UNC93A: variants seen among roughly 807,000 people sequenced by gnomAD.
The protein encoded by UNC93A is unc-93 homolog A, also known as N-acetylglucosamine transporter UNC93A.
UNC93A carries 43 observed loss-of-function variants against 47.5 expected under a neutral mutation model. The observed-to-expected ratio is 0.91, with a 90% CI of 0.71 to 1.17. The LOEUF (loss-of-function observed/expected upper bound fraction) is 1.17, where lower values mean the gene tolerates loss of function less well. Among genes scored for constraint, UNC93A ranks in the 50% most tolerant of loss-of-function variants. The pLI is 0.00. For missense variants in UNC93A, 605 were observed against 577.6 expected (o/e 1.05, Z -0.49); for synonymous variants, 280 against 258.0 (o/e 1.09, Z -0.82).
chr6:167,284,581 A>G (rs1456566746), intron 1 of UNC93A, among the ~76,000 whole-genome samples: 2 of 152,412 alleles, frequency 1.3e-5, no homozygotes, highest in Admixed American at 1.3e-4. Context: ...CACGTTGCCC[A>G]CTTGAGTAGA....
chr6:167,296,869 C>CA (rs1778104891), intron 3 of UNC93A, among the ~76,000 whole-genome samples: 1 of 152,174 alleles, frequency 6.6e-6, no homozygotes, highest in Non-Finnish European at 1.5e-5. Context: ...AAAACTTTCC[C>CA]AACGGGGTAA....
chr6:167,270,212 T>C (rs576961766), upstream of UNC93A, among the ~76,000 whole-genome samples: 5 of 152,186 alleles, frequency 3.3e-5, no homozygotes, highest in South Asian at 2.1e-4. Flanking sequence ...TTTGCATCTC[T>C]CTTTTTTCAT....
intron 7 of UNC93A, among the ~76,000 whole-genome samples, chr6:167,313,168 C>G (rs1229574939): frequency 6.6e-6 from 1 of 152,164 alleles, no homozygotes; most frequent in Non-Finnish European, 1.5e-5. Context: ...GTTTTGTGGC[C>G]AGGGGACAGC....
intron 5 of UNC93A, among the ~76,000 whole-genome samples, chr6:167,305,395 GTCT>G (rs1335648605): frequency 6.6e-6 from 1 of 152,200 alleles, no homozygotes; most frequent in East Asian, 1.9e-4. Flanking sequence ...GCTGTGGCTG[GTCT>G]TCTCGTCTCA....
intron 1 of UNC93A, among the ~76,000 whole-genome samples, chr6:167,277,234 C>T (rs1783558620): frequency 6.6e-6 from 1 of 152,228 alleles, no homozygotes; most frequent in African/African-American, 2.4e-5. Context: ...CCTGTGCCCC[C>T]AGTGCTCCTG....
upstream of UNC93A, among the ~76,000 whole-genome samples, chr6:167,289,045 C>A (rs546999229): frequency 6.6e-6 from 1 of 152,416 alleles, no homozygotes; most frequent in South Asian, 2.1e-4. Flanking sequence ...TTTACACGTA[C>A]CCGTCTTTGG....
At chr6:167,289,266 C>T (rs73790196), upstream of UNC93A, among the ~76,000 whole-genome samples, 7 of 152,068 alleles carry the variant, frequency 4.6e-5, no homozygotes, top group Admixed American at 6.5e-5. Context: ...TTGTTTATGA[C>T]GAGACCACTG....
intron 7 of UNC93A, among the ~76,000 whole-genome samples, chr6:167,311,405 AGG>A (rs752051720): frequency 6.6e-6 from 1 of 152,204 alleles, no homozygotes; most frequent in Non-Finnish European, 1.5e-5. Flanking sequence ...GGCCTCTGCA[AGG>A]GGAGATCTGT....
At chr6:167,297,842 C>G in intron 3 of UNC93A, 103 bp from the exon 4 acceptor site, 2 of 1,459,046 alleles carry the variant, frequency 1.4e-6, no homozygotes, top group Non-Finnish European at 9.3e-7. Flanking sequence ...TGCCTCCCCC[C>G]AGGTGTCCAA....
At chr6:167,270,742 G>A (rs1399083530), upstream of UNC93A, among the ~76,000 whole-genome samples, 1 of 152,184 alleles carries the variant, frequency 6.6e-6, no homozygotes, top group Admixed American at 6.5e-5. Flanking sequence ...TGAGGACGAA[G>A]GCAGAGGTTG....
chr6:167,285,979 T>C (rs7767375), intron 1 of UNC93A, among the ~76,000 whole-genome samples: 67,901 of 141,542 alleles, frequency 0.48, 16,724 homozygotes, highest in East Asian at 0.52. Context: ...TATATATATA[T>C]ACACACACAC....
intron 3 of UNC93A, among the ~76,000 whole-genome samples, chr6:167,297,526 C>T (rs3010545): frequency 0.22 from 33,294 of 151,924 alleles, 3,852 homozygotes; most frequent in African/African-American, 0.29. Flanking sequence ...TATGAAATCA[C>T]CTGCCCAAAG....
At chr6:167,287,384 C>T (rs982965090), upstream of UNC93A, among the ~76,000 whole-genome samples, 8 of 152,190 alleles carry the variant, frequency 5.3e-5, no homozygotes, top group African/African-American at 1.9e-4. Flanking sequence ...CCACCCCATA[C>T]TCCCTATCGT....
chr6:167,280,955 C>T (rs913625520), intron 1 of UNC93A, among the ~76,000 whole-genome samples: 1 of 152,154 alleles, frequency 6.6e-6, no homozygotes, highest in African/African-American at 2.4e-5. Context: ...CAACAGGAAA[C>T]CCAAGCCATA....
chr6:167,276,441 T>A (rs544379129), intron 1 of UNC93A, among the ~76,000 whole-genome samples: 1 of 152,308 alleles, frequency 6.6e-6, no homozygotes, highest in Admixed American at 6.5e-5. Flanking sequence ...TTTTTTATAG[T>A]AGCTGTAGCA....
At chr6:167,304,158 G>C in intron 5 of UNC93A, 25 bp downstream of exon 5, 1 of 1,613,240 alleles carries the variant, frequency 6.2e-7, no homozygotes, top group Non-Finnish European at 8.5e-7. Flanking sequence ...GAGGGCCGGT[G>C]GCTCAGGCCA....
At chr6:167,300,328 A>G (rs1772268495) in intron 4 of UNC93A, among the ~76,000 whole-genome samples, 1 of 152,158 alleles carries the variant, frequency 6.6e-6, no homozygotes, top group Non-Finnish European at 1.5e-5. Context: ...GTTCAGCAAC[A>G]CTGAGGGCCA....
chr6:167,297,937 C>T lies in UNC93A; in HGVS notation c.500-8C>T. ...ATCTCATGTCTCCTGTCCACTCTGA[C>T]TTCATAGAGACCCTTCCAGAAGAGC... On this transcript the variant is annotated splice_region_variant and splice_polypyrimidine_tract_variant and intron_variant, in intron 3 of 7. Transcript: ENST00000230256. The T allele has an allele frequency of 6.2e-7, 1 of 1,613,500 alleles. No individual in the cohort carries two copies. The highest frequency in any genetic ancestry group is 1.1e-5 in the South Asian group (1 of 90,964).
At chr6:167,273,473 C>G (rs902862397) in intron 1 of UNC93A, among the ~76,000 whole-genome samples, 4 of 152,206 alleles carry the variant, frequency 2.6e-5, no homozygotes, top group Admixed American at 1.3e-4. Context: ...GCCAGCACAC[C>G]TTTGGGTGCC....
Sources: gnomAD v4.1 joint callset for allele counts (sites outside exome capture counted in the v4.1 genomes callset) on GRCh38, gnomAD v4.1.1 for gene constraint, MANE v1.5 for transcripts, NCBI Gene and HGNC (gene_info 2026-07-23, HGNC 2026-07-21) for gene names.